NKX2-1: variants seen among roughly 807,000 people sequenced by gnomAD.
The protein encoded by NKX2-1 is homeobox protein Nkx-2.1.
A neutral mutation model predicts 35.1 loss-of-function variants in NKX2-1; 9 were observed. The observed-to-expected ratio is 0.26, with a 90% CI of 0.15 to 0.45. NKX2-1 has a LOEUF of 0.45. Ranked by LOEUF, NKX2-1 falls within the 20% of genes least tolerant of loss-of-function variation. The probability of loss-of-function intolerance (pLI) is 1.00; values close to 1 mark genes in which losing one functional copy is unlikely to be tolerated. For missense variants in NKX2-1, 509 were observed against 589.1 expected (o/e 0.86, Z 1.41); for synonymous variants, 284 against 269.9 (o/e 1.05, Z -0.51).
chr14:36,519,549 T>C, intron 1 of NKX2-1, 179 bp from the exon 2 acceptor site: 1 of 1,534,620 alleles, frequency 6.5e-7, no homozygotes, highest in Non-Finnish European at 8.7e-7. Context: ...GCTCGGGGGC[T>C]GCCTCGCGTT....
chr14:36,517,021 A>T lies in NKX2-1; in HGVS notation c.*257T>A. 3 of 661,464 alleles carry T rather than the reference A, an allele frequency of 4.5e-6. No homozygotes were observed. The highest frequency in any genetic ancestry group is 7.2e-6 in the Non-Finnish European group (3 of 415,358). The allele number at this position is 661,464 out of a possible 1,614,324, so 41.0% of individuals were successfully genotyped here. Reference sequence around the variant, plus strand: ...GTTTTATGCCCTTCTCTGCTTAAAGATTCCTTGAGATTGGATGCGCTTGGT... The same window carrying T: ...GTTTTATGCCCTTCTCTGCTTAAAGTTTCCTTGAGATTGGATGCGCTTGGT... On this transcript the variant is annotated 3_prime_UTR_variant, in exon 3 of 3. Transcript: ENST00000354822.
chr14:36,519,837 A>T (rs1594408445), intron 1 of NKX2-1: 1 of 1,099,336 alleles, frequency 9.1e-7, no homozygotes, highest in Non-Finnish European at 1.2e-6. Context: ...GGTGGAGGGG[A>T]GGGGAAGGAG....
chr14:36,517,287 C>T lies in NKX2-1; in HGVS notation c.1197G>A (p.Arg399=), dbSNP rs143269839. ...CCGGCCCGGCGTCCTCTCACCAGGT[C>T]CGACCGTATAGCAAGGTGGAGCAGG... ...TMSCSTLLYG[R]TW The change falls in exon 3 of 3, where the codon CGG becomes CGA. Residue 399 remains arginine (R), a synonymous_variant. Transcript: ENST00000354822. 3.7e-6 allele frequency: 6 copies of T among 1,607,984 alleles called. No homozygotes were observed. The African/African-American group carries it at 4.0e-5, about 11-fold the overall frequency.
rs759963311 is a variant in NKX2-1 at position 36,520,094 on chromosome 14, C to G, written c.36G>C (p.Trp12Cys). 15 of 1,613,026 alleles carry G rather than the reference C, an allele frequency of 9.3e-6. No individual in the cohort carries two copies. Among genetic ancestry groups the G allele is most frequent in the Non-Finnish European group, 1.2e-5 (14 of 1,179,918 alleles). Residue 12 changes from tryptophan to cysteine, a missense_variant, in exon 1 of 3, where the codon TGG becomes TGC. By Grantham distance (215) the Trp-to-Cys change is radical. This residue lies in a region of NKX2-1 where 271 missense variants were observed against 284.1 expected (regional missense o/e 0.95). Transcript: ENST00000354822. ...TGCTCCTCCCTCCCGCCGCGGCCTC[C>G]CAGCCCCGCGCCTTCCCACTGCCTC... is the stretch of plus-strand genomic sequence containing the variant. The part of the protein sequence containing the change: ...WSGGSGKARG[W>C]EAAAGGRSSP...
chr14:36,517,505 C>A lies in NKX2-1; in HGVS notation c.979G>T (p.Ala327Ser). 1 of 1,345,540 alleles carries A rather than the reference C, an allele frequency of 7.4e-7. No homozygotes were observed. The highest frequency in any genetic ancestry group is 3.1e-5 in the East Asian group (1 of 31,824). 83.4% of individuals were successfully genotyped at this position (1,345,540 alleles called of 1,614,324 possible). Reference protein sequence around the residue: ...QQQAQHQAQAAQAAAAAISVG... With the variant: ...QQQAQHQAQASQAAAAAISVG... ...GAGATGGCCGCTGCCGCCGCCTGCG[C>A]GGCCTGCGCCTGGTGCTGCGCCTGC... Residue 327 changes from alanine to serine, a missense_variant, in exon 3 of 3, where the codon GCG (alanine) becomes TCG (serine). Around this residue, in one of 5 missense-constraint regions of NKX2-1, gnomAD observed 212 missense variants for 227.7 expected, o/e 0.93. Coordinates refer to ENST00000354822, the MANE Select transcript of NKX2-1 (RefSeq NM_001079668.3).
At position 36,520,065 on chromosome 14, in the gene NKX2-1, G is replaced by A; in HGVS notation, c.65C>T (p.Pro22Leu). The A allele has an allele frequency of 6.2e-7, 1 of 1,613,000 alleles. No individual in the cohort carries two copies. The change falls in exon 1 of 3, where the codon CCC (proline) becomes CTC (leucine). Residue 22 changes from proline to leucine, a missense_variant. Physicochemically the swap from Pro to Leu is moderately conservative, Grantham distance 98 (BLOSUM62 -3). Around this residue, in one of 5 missense-constraint regions of NKX2-1, gnomAD observed 271 missense variants for 284.1 expected, o/e 0.95. Coordinates refer to ENST00000354822, the MANE Select transcript of NKX2-1 (RefSeq NM_001079668.3). ...GTGGGGGTTTCACCTGAGCCTGCCGGGGCTGCTCCTCCCTCCCGCCGCGGC... is the reference window on the plus strand; with the variant it reads ...GTGGGGGTTTCACCTGAGCCTGCCGAGGCTGCTCCTCCCTCCCGCCGCGGC... ...WEAAAGGRSSPGRLSRRRIMS... is the reference protein window; with the variant it reads ...WEAAAGGRSSLGRLSRRRIMS...
At position 36,517,085 on chromosome 14, in the gene NKX2-1, A is replaced by G. The variant is rs531107509; in HGVS notation, c.*193T>C. 2 of 1,065,320 alleles carry G rather than the reference A, an allele frequency of 1.9e-6. No homozygotes were observed. Among genetic ancestry groups the G allele is most frequent in the African/African-American group, 1.6e-5 (1 of 61,704 alleles). The allele number at this position is 1,065,320 out of a possible 1,614,324, so 66.0% of individuals were successfully genotyped here. On this transcript the variant is annotated 3_prime_UTR_variant, in exon 3 of 3. Transcript: ENST00000354822. ...CTTTTTTTAAAAAAAAAAACCCACA[A>G]ATTTTAGGGGGGGAAAAAAAGAAAG...
At chr14:36,519,998 G>C in intron 1 of NKX2-1, 55 bp downstream of exon 1, 4 of 1,606,008 alleles carry the variant, frequency 2.5e-6, no homozygotes, top group Non-Finnish European at 3.4e-6. Flanking sequence ...GGGGTTCCCC[G>C]GGCACGGACA....
rs1183123839 is a variant in NKX2-1 at position 36,518,031 on chromosome 14, C to G, written c.464-11G>C. 6.3e-7 allele frequency: 1 copy of G among 1,597,588 alleles called. No individual in the cohort carries two copies. The stretch of plus-strand genomic sequence containing the variant: ...CCATGAAGCGGGAGACTGTAAGCGA[C>G]AAACGCACAGCGTCGGCCGGGGCCA... On this transcript the variant is annotated splice_polypyrimidine_tract_variant and intron_variant, in intron 2 of 2. Coordinates refer to ENST00000354822, the MANE Select transcript of NKX2-1 (RefSeq NM_001079668.3).
intron 1 of NKX2-1, chr14:36,519,817 G>T: frequency 1.4e-6 from 2 of 1,385,660 alleles, no homozygotes; most frequent in East Asian, 2.5e-5. Context: ...CCAGCGGAGC[G>T]CGGGGAGGAG....
intron 2 of NKX2-1, among the ~76,000 whole-genome samples, chr14:36,518,467 G>A (rs1403370249): frequency 1.3e-5 from 2 of 152,148 alleles, no homozygotes; most frequent in Non-Finnish European, 2.9e-5. Flanking sequence ...GCCCCCAGAC[G>A]CTTTGCCTCT....
At position 36,520,070 on chromosome 14, in the gene NKX2-1, G is replaced by C; in HGVS notation, c.60C>G (p.Ser20Arg). The part of the protein sequence containing the change: ...RGWEAAAGGR[S>R]SPGRLSRRRI... Reference sequence around the variant, plus strand: ...GGTTTCACCTGAGCCTGCCGGGGCTGCTCCTCCCTCCCGCCGCGGCCTCCC... The same window carrying C: ...GGTTTCACCTGAGCCTGCCGGGGCTCCTCCTCCCTCCCGCCGCGGCCTCCC... Residue 20 changes from serine to arginine, a missense_variant, in exon 1 of 3, where the codon AGC (serine) becomes AGG (arginine). Ser to Arg is a moderately radical substitution (Grantham distance 110, BLOSUM62 -1). Transcript: ENST00000354822. 6.2e-7 allele frequency: 1 copy of C among 1,612,908 alleles called. No homozygotes were observed. Among genetic ancestry groups the C allele is most frequent in the Non-Finnish European group, 8.5e-7 (1 of 1,179,832 alleles).
At chr14:36,519,549 T>A in intron 1 of NKX2-1, 179 bp from the exon 2 acceptor site, 1 of 1,534,620 alleles carries the variant, frequency 6.5e-7, no homozygotes, top group Non-Finnish European at 8.7e-7. Flanking sequence ...GCTCGGGGGC[T>A]GCCTCGCGTT....
Position 36,519,832 on chromosome 14 carries a change from A to G in NKX2-1, c.77+221T>C, listed in dbSNP as rs1881264787. 1.3e-5 allele frequency: 15 copies of G among 1,141,286 alleles called. No homozygotes were observed. The South Asian group carries it at 2.4e-4, about 18-fold the overall frequency. The allele number at this position is 1,141,286 out of a possible 1,614,324, so 70.7% of individuals were successfully genotyped here. A position where few individuals can be genotyped will look rare whatever the true frequency, so the allele number is the denominator to read the frequency against. On this transcript the variant is annotated intron_variant, in intron 1 of 2. Coordinates refer to ENST00000354822, the MANE Select transcript of NKX2-1 (RefSeq NM_001079668.3). ...CCAGCGGAGCGCGGGGAGGAGGTGG[A>G]GGGGAGGGGAAGGAGGAGGGAACCG...
At chr14:36,518,777 A>ACCCCAGC (rs1881186886) in intron 2 of NKX2-1, among the ~76,000 whole-genome samples, 1 of 151,926 alleles carries the variant, frequency 6.6e-6, no homozygotes, top group African/African-American at 2.4e-5. Flanking sequence ...TGACCGCAGG[A>ACCCCAGC]CCCCAGCGCT....
Position 36,520,098 on chromosome 14 carries a change from C to T in NKX2-1, c.32G>A (p.Gly11Asp), listed in dbSNP as rs767808984. 6.2e-7 allele frequency: 1 copy of T among 1,613,074 alleles called. No individual in the cohort carries two copies. The highest frequency in any genetic ancestry group is 8.5e-7 in the Non-Finnish European group (1 of 1,179,918). The change falls in exon 1 of 3, where the codon GGC becomes GAC. Residue 11 changes from glycine (G) to aspartate (D), a missense_variant. By Grantham distance (94) the Gly-to-Asp change is moderately conservative. Coordinates refer to ENST00000354822, the MANE Select transcript of NKX2-1 (RefSeq NM_001079668.3). ...CCTCCCTCCCGCCGCGGCCTCCCAG[C>T]CCCGCGCCTTCCCACTGCCTCCGGA... MWSGGSGKARGWEAAAGGRSS... is the reference protein window; with the variant it reads MWSGGSGKARDWEAAAGGRSS...
At chr14:36,519,997 C>G (rs1183263796) in intron 1 of NKX2-1, 56 bp downstream of exon 1, 1 of 1,605,686 alleles carries the variant, frequency 6.2e-7, no homozygotes, top group Non-Finnish European at 8.5e-7. Context: ...CGGGGTTCCC[C>G]GGGCACGGAC....
chr14:36,517,236 C>T lies in NKX2-1; in HGVS notation c.*42G>A, dbSNP rs1470416975. ...GTCTGTGTGGCGGGCAGGAGGGAAG[C>T]GGTGAGGCAGAGCGCTGGGCTAGGG... On this transcript the variant is annotated 3_prime_UTR_variant, in exon 3 of 3. Coordinates refer to ENST00000354822, the MANE Select transcript of NKX2-1 (RefSeq NM_001079668.3). 3 of 1,574,162 alleles carry T rather than the reference C, an allele frequency of 1.9e-6. No homozygotes were observed. The highest frequency in any genetic ancestry group is 2.6e-6 in the Non-Finnish European group (3 of 1,161,540).
intron 1 of NKX2-1, 121 bp from the exon 2 acceptor site, chr14:36,519,491 TAC>T (rs1368861934): frequency 2.6e-6 from 4 of 1,542,176 alleles, no homozygotes; most frequent in Non-Finnish European, 3.5e-6. Flanking sequence ...TTGTTGGATG[TAC>T]ACGTAACGGA....
Sources: allele counts gnomAD v4.1 joint callset (sites outside exome capture counted in the v4.1 genomes callset), GRCh38; gene constraint gnomAD v4.1.1; regional missense constraint gnomAD v4.1.1; transcripts MANE v1.5; gene names NCBI Gene and HGNC (gene_info 2026-07-23, HGNC 2026-07-21).